The following EMSY variants were observed in gnomAD, a reference collection of about 807,000 sequenced individuals.
The protein encoded by EMSY is BRCA2-interacting transcriptional repressor EMSY.
A neutral mutation model predicts 134.6 loss-of-function variants in EMSY; 26 were observed. The ratio of observed to expected loss-of-function variants is 0.19; its 90% confidence interval spans 0.14 to 0.27. EMSY has a LOEUF of 0.27. Ranked by LOEUF, EMSY falls within the 10% of genes least tolerant of loss-of-function variation. The pLI is 1.00. For missense variants in EMSY, 1,305 were observed against 1,611.4 expected, an observed-to-expected ratio of 0.81 and a Z score of 3.26; for synonymous variants, 579 against 577.8, an observed-to-expected ratio of 1.00 and a Z score of -0.03.
chr11:76,493,231 C>T (rs981940872), intron 8 of EMSY, among the ~76,000 whole-genome samples: 18 of 152,176 alleles, frequency 1.2e-4, no homozygotes, highest in East Asian at 3.9e-4. Context: ...AGCCCCCTGC[C>T]GCCTGAACCG....
chr11:76,456,275 G>A (rs1020192145), intron 4 of EMSY, among the ~76,000 whole-genome samples: 12 of 152,144 alleles, frequency 7.9e-5, no homozygotes, highest in Admixed American at 2.6e-4. Context: ...CTCAAAGTTT[G>A]AGCATGTTTG....
chr11:76,519,928 G>A (rs780924330), intron 11 of EMSY, among the ~76,000 whole-genome samples: 3 of 152,112 alleles, frequency 2.0e-5, no homozygotes, highest in African/African-American at 7.2e-5. Flanking sequence ...ACTCTGCTGT[G>A]TGTTGTGATA....
chr11:76,527,278 C>A (rs2136348894), intron 13 of EMSY, among the ~76,000 whole-genome samples: 1 of 152,146 alleles, frequency 6.6e-6, no homozygotes, highest in South Asian at 2.1e-4. Context: ...CTATAAACTA[C>A]TAATTTACTT....
At chr11:76,481,639 AACTGGGCGGAGCCC>A (rs1269922943) in intron 8 of EMSY, among the ~76,000 whole-genome samples, 4 of 152,222 alleles carry the variant, frequency 2.6e-5, no homozygotes, top group Non-Finnish European at 5.9e-5. Flanking sequence ...AGGAAGTTCG[AACTGGGCGGAGCCC>A]ACTGCAGCTC....
chr11:76,519,489 G>A (rs1193026994), intron 11 of EMSY, among the ~76,000 whole-genome samples: 1 of 152,134 alleles, frequency 6.6e-6, no homozygotes, highest in East Asian at 1.9e-4. Context: ...CTTCAGAGTT[G>A]AACTCACTAC....
At chr11:76,503,168 G>T (rs940424004) in intron 9 of EMSY, among the ~76,000 whole-genome samples, 1 of 151,814 alleles carries the variant, frequency 6.6e-6, no homozygotes, top group Non-Finnish European at 1.5e-5. Flanking sequence ...GGCCATGATG[G>T]TACATGGCTG....
intron 11 of EMSY, among the ~76,000 whole-genome samples, chr11:76,519,553 C>G (rs566460771): frequency 6.6e-6 from 1 of 152,088 alleles, no homozygotes; most frequent in Non-Finnish European, 1.5e-5. Flanking sequence ...CTTTAATTCT[C>G]CTAATCTTTA....
intron 8 of EMSY, among the ~76,000 whole-genome samples, chr11:76,488,968 A>G (rs1170145374): frequency 1.3e-5 from 2 of 152,220 alleles, no homozygotes; most frequent in Non-Finnish European, 1.5e-5. Context: ...GATTCTCCTT[A>G]TATTATGCTG....
intron 9 of EMSY, among the ~76,000 whole-genome samples, chr11:76,512,781 A>C (rs1950324097): frequency 6.6e-6 from 1 of 151,138 alleles, no homozygotes; most frequent in African/African-American, 2.4e-5. Flanking sequence ...TTTGCCTATC[A>C]CCTTCAAGTT....
chr11:76,521,447 G>T (rs1255125115), intron 11 of EMSY, among the ~76,000 whole-genome samples: 3 of 152,178 alleles, frequency 2.0e-5, no homozygotes, highest in Admixed American at 6.5e-5. Context: ...CTTTCATCTT[G>T]TTGAGAGGTA....
rs546253472 is a variant in EMSY, at chr11:76,473,337, C to T, written c.1108+497C>T. Among the ~76,000 whole-genome samples the T allele has an allele frequency of 3.6e-4, 54 of 151,530 alleles. 1 individual carries two copies. In the South Asian group the frequency reaches 8.1e-3, roughly 23 times the overall value. On this transcript the variant is annotated intron_variant, in intron 8 of 20. Coordinates refer to ENST00000334736, the Ensembl canonical transcript of EMSY. Reference sequence around the variant, plus strand: ...TTTTTTTCTCGTTGAGACAGGGTCTCGCTCTGTCACCCAGGCTGGAGTGCA... The same window carrying T: ...TTTTTTTCTCGTTGAGACAGGGTCTTGCTCTGTCACCCAGGCTGGAGTGCA...
intron 20 of EMSY, among the ~76,000 whole-genome samples, chr11:76,549,632 T>C (rs1951776803): frequency 6.6e-6 from 1 of 152,224 alleles, no homozygotes; most frequent in East Asian, 1.9e-4. Context: ...CTTTCAGTTG[T>C]ACAAGATTTG....
chr11:76,546,048 T>C, exon 20 of EMSY: 3 of 1,614,198 alleles, frequency 1.9e-6, no homozygotes, highest in Non-Finnish European at 2.5e-6. Flanking sequence ...AGAAGGCTCT[T>C]GCCACTAGCA....
chr11:76,475,841 G>T (rs1453130963), intron 8 of EMSY, among the ~76,000 whole-genome samples: 1 of 152,176 alleles, frequency 6.6e-6, no homozygotes, highest in African/African-American at 2.4e-5. Context: ...ATTGTTTTAG[G>T]GCTGATGTAT....
intron 11 of EMSY, among the ~76,000 whole-genome samples, chr11:76,522,209 T>C (rs1323824820): frequency 6.6e-6 from 1 of 152,082 alleles, no homozygotes; most frequent in Non-Finnish European, 1.5e-5. Context: ...TCAGTAGGTA[T>C]AGACCTATTA....
At chr11:76,520,527 C>T (rs1403342808) in intron 11 of EMSY, among the ~76,000 whole-genome samples, 1 of 152,076 alleles carries the variant, frequency 6.6e-6, no homozygotes, top group Non-Finnish European at 1.5e-5. Context: ...ATAAGTGAAT[C>T]ATGGGCAGCT....
At chr11:76,463,745 T>G in intron 6 of EMSY, 76 bp from the exon 8 acceptor site, 1 of 1,487,880 alleles carries the variant, frequency 6.7e-7, no homozygotes, top group Non-Finnish European at 9.1e-7. Flanking sequence ...AAGGATGATA[T>G]AAAGATTTTA....
chr11:76,546,985 C>T (rs181560632), intron 20 of EMSY: 19 of 432,568 alleles, frequency 4.4e-5, no homozygotes, highest in Admixed American at 3.4e-4. Flanking sequence ...TGGTACCTCA[C>T]ATTCCCTTGA....
intron 10 of EMSY, among the ~76,000 whole-genome samples, chr11:76,514,951 C>G (rs768581389): frequency 2.2e-4 from 34 of 151,998 alleles, no homozygotes; most frequent in Non-Finnish European, 4.7e-4. Context: ...ATTTATGTGT[C>G]TGTGTTATAA....
Sources: allele counts gnomAD v4.1 joint callset (sites outside exome capture counted in the v4.1 genomes callset), GRCh38; gene constraint gnomAD v4.1.1; transcripts MANE v1.5; gene names NCBI Gene and HGNC (gene_info 2026-07-23, HGNC 2026-07-21).